SCUBE1: variants seen among roughly 807,000 people sequenced by gnomAD.
SCUBE1 encodes the protein signal peptide, CUB and EGF-like domain-containing protein 1.
In SCUBE1, 59 loss-of-function variants were observed where a neutral mutation model predicts 124.4. The ratio of observed to expected loss-of-function variants is 0.47; its 90% CI spans 0.38 to 0.59. The LOEUF is 0.59. Among genes scored for constraint, SCUBE1 ranks in the 20% least tolerant of loss-of-function variants. The pLI is 0.00. For missense variants in SCUBE1, 1,150 were observed against 1,371.2 expected (o/e 0.84, Z 2.55); for synonymous variants, 545 against 550.9 (o/e 0.99, Z 0.15).
intron 6 of SCUBE1, among the ~76,000 whole-genome samples, chr22:43,251,655 A>T (rs932988765): frequency 3.9e-5 from 6 of 152,128 alleles, no homozygotes; most frequent in Admixed American, 2.0e-4. Context: ...AGAAGCTGGA[A>T]AGGCAAGGAA....
intron 16 of SCUBE1, among the ~76,000 whole-genome samples, chr22:43,213,837 A>G (rs1291923798): frequency 1.3e-5 from 2 of 150,800 alleles, no homozygotes; most frequent in African/African-American, 5.0e-5. Context: ...CTGAGAGCAC[A>G]CCGAGTGCAG....
At chr22:43,307,822 T>G (rs1926027135) in intron 3 of SCUBE1, among the ~76,000 whole-genome samples, 1 of 152,230 alleles carries the variant, frequency 6.6e-6, no homozygotes, top group Non-Finnish European at 1.5e-5. Flanking sequence ...ATTTCACATA[T>G]GACAGGGAAA....
chr22:43,302,654 G>C (rs1569021601), intron 3 of SCUBE1, among the ~76,000 whole-genome samples: 1 of 152,350 alleles, frequency 6.6e-6, no homozygotes, highest in South Asian at 2.1e-4. Flanking sequence ...GGCTGGGAAC[G>C]GGGTGCTTTC....
chr22:43,295,718 C>A (rs1359084908), intron 3 of SCUBE1, among the ~76,000 whole-genome samples: 1 of 152,248 alleles, frequency 6.6e-6, no homozygotes, highest in South Asian at 2.1e-4. Context: ...CTTGTCCAGA[C>A]CGAAGTTTTT....
At chr22:43,221,069 C>T in intron 13 of SCUBE1, 104 bp downstream of exon 13, 11 of 758,920 alleles carry the variant, frequency 1.4e-5, no homozygotes, top group Middle Eastern at 3.7e-4. Flanking sequence ...GAGACCTCCA[C>T]CCTTGGAAAC....
intron 6 of SCUBE1, among the ~76,000 whole-genome samples, chr22:43,245,049 C>G (rs527963708): frequency 6.6e-6 from 1 of 152,266 alleles, no homozygotes; most frequent in Non-Finnish European, 1.5e-5. Context: ...CCCTCCATGG[C>G]TCCCATCGCT....
At chr22:43,337,322 G>T (rs923641189) in intron 2 of SCUBE1, among the ~76,000 whole-genome samples, 11 of 152,200 alleles carry the variant, frequency 7.2e-5, no homozygotes, top group Non-Finnish European at 1.3e-4. Flanking sequence ...GCAGGAGAGG[G>T]CCTAAGGAGG....
intron 3 of SCUBE1, among the ~76,000 whole-genome samples, chr22:43,319,638 C>T (rs779552469): frequency 6.6e-6 from 1 of 150,894 alleles, no homozygotes; most frequent in South Asian, 2.1e-4. Context: ...GTGGGAAGAC[C>T]GTATGAAGAC....
At chr22:43,239,230 G>A (rs1922899422) in intron 6 of SCUBE1, among the ~76,000 whole-genome samples, 1 of 152,240 alleles carries the variant, frequency 6.6e-6, no homozygotes, top group Non-Finnish European at 1.5e-5. Context: ...TGCTTATACA[G>A]AGGCTGCTGC....
intron 2 of SCUBE1, among the ~76,000 whole-genome samples, chr22:43,321,521 G>A (rs1926554099): frequency 6.6e-6 from 1 of 152,220 alleles, no homozygotes; most frequent in African/African-American, 2.4e-5. Flanking sequence ...GAGCAAAGGG[G>A]ATAACAAACA....
intron 2 of SCUBE1, among the ~76,000 whole-genome samples, chr22:43,336,473 C>G (rs1373360490): frequency 6.6e-6 from 1 of 152,214 alleles, no homozygotes; most frequent in African/African-American, 2.4e-5. Context: ...GCGCTAGTGC[C>G]AGGCCCTGCC....
chr22:43,334,949 A>C (rs978958459), intron 2 of SCUBE1, among the ~76,000 whole-genome samples: 1 of 152,212 alleles, frequency 6.6e-6, no homozygotes, highest in Non-Finnish European at 1.5e-5. Context: ...TCTGGCACCA[A>C]AGTCAATGCT....
chr22:43,249,114 T>C (rs1055067607), intron 6 of SCUBE1, among the ~76,000 whole-genome samples: 1 of 151,510 alleles, frequency 6.6e-6, no homozygotes, highest in African/African-American at 2.4e-5. Context: ...GGCACCTGGG[T>C]AGAGAGAAGA....
At chr22:43,267,696 T>A (rs1924128236) in intron 4 of SCUBE1, among the ~76,000 whole-genome samples, 1 of 152,120 alleles carries the variant, frequency 6.6e-6, no homozygotes, top group Non-Finnish European at 1.5e-5. Flanking sequence ...GGGGCAGGGA[T>A]AAGGCACTGG....
At chr22:43,269,751 C>T (rs1177380210) in intron 4 of SCUBE1, among the ~76,000 whole-genome samples, 1 of 152,138 alleles carries the variant, frequency 6.6e-6, no homozygotes, top group African/African-American at 2.4e-5. Context: ...CTGCCTTCCC[C>T]AACCCCGACT....
chr22:43,207,505 G>A (rs377697458), intron 21 of SCUBE1, 29 bp downstream of exon 21: 16 of 1,569,628 alleles, frequency 1.0e-5, no homozygotes, highest in Middle Eastern at 1.7e-4. Context: ...CCAGGGTTAC[G>A]TGGATTCCCT....
intron 4 of SCUBE1, among the ~76,000 whole-genome samples, chr22:43,289,878 A>C (rs1423940460): frequency 6.7e-6 from 1 of 148,792 alleles, no homozygotes; most frequent in African/African-American, 2.5e-5. Flanking sequence ...CCCATCTCTC[A>C]GCGTGAGCCC....
intron 4 of SCUBE1, among the ~76,000 whole-genome samples, chr22:43,287,559 T>C (rs1311756022): frequency 6.6e-6 from 1 of 152,210 alleles, no homozygotes; most frequent in African/African-American, 2.4e-5. Flanking sequence ...CCTGTGTTTC[T>C]CAGCCAGGAG....
At chr22:43,310,457 A>G (rs1926131035) in intron 3 of SCUBE1, among the ~76,000 whole-genome samples, 1 of 152,222 alleles carries the variant, frequency 6.6e-6, no homozygotes, top group Non-Finnish European at 1.5e-5. Context: ...CCACATAAAG[A>G]GGCTGCCCAT....
Sources: gnomAD v4.1 joint callset for allele counts (sites outside exome capture counted in the v4.1 genomes callset) on GRCh38, gnomAD v4.1.1 for gene constraint, MANE v1.5 for transcripts, NCBI Gene and HGNC (gene_info 2026-07-23, HGNC 2026-07-21) for gene names.